Variants in RPH3A observed in about 807,000 individuals in gnomAD.
The protein encoded by RPH3A is rabphilin 3A, also known as rabphilin-3A.
RPH3A carries 48 observed loss-of-function variants against 102.2 expected under a neutral mutation model. That is an observed-to-expected ratio of 0.47 (90% CI 0.37 to 0.60). The LOEUF is 0.60. Among genes scored for constraint, RPH3A ranks in the 20% least tolerant of loss-of-function variants. RPH3A has a pLI of 0.00. For synonymous variants in RPH3A, 310 were observed against 324.3 expected, an observed-to-expected ratio of 0.96 and a Z score of 0.47; for missense variants, 781 against 910.1, an observed-to-expected ratio of 0.86 and a Z score of 1.83.
chr12:112,814,147 G>A (rs774715421), intron 2 of RPH3A, among the ~76,000 whole-genome samples: 3 of 151,892 alleles, frequency 2.0e-5, no homozygotes, highest in Non-Finnish European at 4.4e-5. Flanking sequence ...ATGTGCGTGT[G>A]TTTGCAGCAA....
intron 1 of RPH3A, among the ~76,000 whole-genome samples, chr12:112,755,298 TAC>T (rs58229294): frequency 0.04 from 5,904 of 145,792 alleles, 251 homozygotes; most frequent in African/African-American, 0.11. Context: ...TATATGTATA[TAC>T]ACACACACAC....
Position 112,881,839 on chromosome 12 carries a change from C to A in RPH3A, c.1319C>A (p.Ala440Asp). Residue 440 changes from alanine (A) to aspartate (D), a missense_variant, in exon 15 of 22, where the codon GCC becomes GAC. Transcript: ENST00000389385. ...PYVKLHLLPG[A>D]SKSNKLRTKT... Reference sequence around the variant, plus strand: ...GTTAAGCTGCACCTCCTGCCGGGAGCCAGCAAGGTACCATATGGCCTGGGC... The same window carrying A: ...GTTAAGCTGCACCTCCTGCCGGGAGACAGCAAGGTACCATATGGCCTGGGC... 6.2e-7 allele frequency: 1 copy of A among 1,611,662 alleles called. No homozygotes were observed. Among genetic ancestry groups the A allele is most frequent in the Non-Finnish European group, 8.5e-7 (1 of 1,178,470 alleles).
chr12:112,769,584 T>C (rs1338008373), intron 1 of RPH3A, among the ~76,000 whole-genome samples: 1 of 152,220 alleles, frequency 6.6e-6, no homozygotes, highest in Non-Finnish European at 1.5e-5. Context: ...GGACTGAAAG[T>C]CCCGCCTTAT....
rs1181906688 is a variant in RPH3A at position 112,822,800 on chromosome 12, G to GCTGTTGT, written c.-18-5500_-18-5494dup. Among the ~76,000 whole-genome samples the GCTGTTGT allele has an allele frequency of 4.6e-5, 7 of 152,344 alleles. No homozygotes were observed. The South Asian group carries it at 1.5e-3, about 32-fold the overall frequency. On this transcript the variant is annotated intron_variant, in intron 2 of 21. Coordinates refer to ENST00000389385, the MANE Select transcript of RPH3A (RefSeq NM_001143854.2). ...ACAAGAAGAGCACATACCTCATAAG[G>GCTGTTGT]CTGTTGTGAGGATTGAGGAGATAAA...
intron 1 of RPH3A, among the ~76,000 whole-genome samples, chr12:112,727,187 A>G (rs1199601116): frequency 6.6e-6 from 1 of 151,724 alleles, no homozygotes; most frequent in Admixed American, 6.6e-5. Context: ...AAATTAGACA[A>G]TTTTAATATC....
chr12:112,726,678 A>T, intron 1 of RPH3A, among the ~76,000 whole-genome samples: 1 of 152,190 alleles, frequency 6.6e-6, no homozygotes, highest in East Asian at 1.9e-4. Context: ...GCAAACCCAG[A>T]TATTTGCCAT....
intron 14 of RPH3A, among the ~76,000 whole-genome samples, chr12:112,880,575 C>T (rs1454801196): frequency 6.6e-6 from 1 of 152,090 alleles, no homozygotes; most frequent in East Asian, 1.9e-4. Context: ...GGAGTTGCTG[C>T]CAGCCCCATT....
intron 1 of RPH3A, among the ~76,000 whole-genome samples, chr12:112,579,747 G>A (rs1566215014): frequency 6.6e-6 from 1 of 151,526 alleles, no homozygotes; most frequent in South Asian, 2.1e-4. Context: ...TAATTTTTTT[G>A]GAGACAGGGT....
At chr12:112,682,355 C>T (rs79317860) in intron 1 of RPH3A, among the ~76,000 whole-genome samples, 6,252 of 116,356 alleles carry the variant, frequency 0.054, 429 homozygotes, top group African/African-American at 0.14. Flanking sequence ...TTCTTTCTTT[C>T]TTTTTTTTTT....
intron 1 of RPH3A, among the ~76,000 whole-genome samples, chr12:112,734,709 A>G (rs1444539517): frequency 1.3e-5 from 2 of 152,224 alleles, no homozygotes; most frequent in Non-Finnish European, 2.9e-5. Context: ...AGGAATTCCC[A>G]GAACTGAGGG....
intron 8 of RPH3A, chr12:112,869,328 A>G (rs998159436): frequency 6.1e-6 from 1 of 165,040 alleles, no homozygotes; most frequent in Non-Finnish European, 1.3e-5. Flanking sequence ...AAGATAACTT[A>G]TCAAGGCACT....
chr12:112,595,289 G>T (rs1176896184), intron 1 of RPH3A, among the ~76,000 whole-genome samples: 2 of 152,120 alleles, frequency 1.3e-5, no homozygotes, highest in African/African-American at 4.8e-5. Context: ...CTCTTACTTG[G>T]TGGCTTTCTT....
At chr12:112,843,405 G>C (rs1205594718) in intron 4 of RPH3A, among the ~76,000 whole-genome samples, 2 of 152,170 alleles carry the variant, frequency 1.3e-5, no homozygotes, top group African/African-American at 4.8e-5. Flanking sequence ...AGCAGAGGAT[G>C]GGGGAAGGGT....
At chr12:112,862,245 C>T (rs577246833) in intron 5 of RPH3A, among the ~76,000 whole-genome samples, 1 of 148,330 alleles carries the variant, frequency 6.7e-6, no homozygotes, top group Non-Finnish European at 1.5e-5. Context: ...GTCCCCCCCC[C>T]AAAAAAAAAG....
chr12:112,881,099 G>T (rs1270886290), intron 14 of RPH3A, among the ~76,000 whole-genome samples: 1 of 152,172 alleles, frequency 6.6e-6, no homozygotes, highest in African/African-American at 2.4e-5. Context: ...GTGCTGTGCA[G>T]AGGGATGACG....
chr12:112,757,992 C>G (rs1818173137), intron 1 of RPH3A, among the ~76,000 whole-genome samples: 1 of 152,140 alleles, frequency 6.6e-6, no homozygotes, highest in South Asian at 2.1e-4. Flanking sequence ...CTGCTCTAGT[C>G]CCTTGTATCA....
At chr12:112,881,878 G>T in intron 15 of RPH3A, 32 bp downstream of exon 15, 5 of 1,567,484 alleles carry the variant, frequency 3.2e-6, no homozygotes, top group Non-Finnish European at 4.4e-6. Flanking sequence ...TCTGCAAACC[G>T]GGTGCATGGG....
At chr12:112,656,914 G>A (rs923672750) in intron 1 of RPH3A, among the ~76,000 whole-genome samples, 1 of 152,028 alleles carries the variant, frequency 6.6e-6, no homozygotes, top group African/African-American at 2.4e-5. Context: ...ATAAACATAT[G>A]AGTGAATGTG....
rs2040159090 is a variant in RPH3A at position 112,674,527 on chromosome 12, G to GT, written c.-140+99209dup. 2.6e-5 allele frequency among the ~76,000 whole-genome samples: 4 copies of GT among 152,302 alleles called. No homozygotes were observed. The South Asian group carries it at 8.3e-4, about 32-fold the overall frequency. The stretch of plus-strand genomic sequence containing the variant: ...TTTGTTGGATTTGCAACAGCTCTGA[G>GT]TGGAGGCGGTTTGGGCTCTGCCACC... On this transcript the variant is annotated intron_variant, in intron 1 of 21. Transcript: ENST00000543106.
Sources: gnomAD v4.1 joint callset for allele counts (sites outside exome capture counted in the v4.1 genomes callset) on GRCh38, gnomAD v4.1.1 for gene constraint, MANE v1.5 for transcripts, NCBI Gene and HGNC (gene_info 2026-07-23, HGNC 2026-07-21) for gene names.